ANO9: variants seen among roughly 807,000 people sequenced by gnomAD.
ANO9 encodes anoctamin 9, also known as anoctamin-9.
In ANO9, 80 loss-of-function variants were observed where a neutral mutation model predicts 100.5. The ratio of observed to expected loss-of-function variants is 0.80; its 90% confidence interval spans 0.66 to 0.96. The LOEUF (loss-of-function observed/expected upper bound fraction) is 0.96. Among genes scored for constraint, ANO9 ranks in the 40% least tolerant of loss-of-function variants. The pLI is 0.00. For missense variants in ANO9, 1,064 were observed against 1,072.7 expected (o/e 0.99, Z 0.11); for synonymous variants, 473 against 435.6 (o/e 1.09, Z -1.07).
At chr11:420,343 G>T in intron 19 of ANO9, 120 bp downstream of exon 19, 2 of 1,492,082 alleles carry the variant, frequency 1.3e-6, no homozygotes, top group Non-Finnish European at 1.8e-6. Flanking sequence ...AGGGCTGGGG[G>T]CTGTCTGCGG....
At chr11:431,437 G>T (rs976640290) in intron 7 of ANO9, among the ~76,000 whole-genome samples, 4 of 53,318 alleles carry the variant, frequency 7.5e-5, no homozygotes, top group Non-Finnish European at 6.8e-5. Flanking sequence ...ATCTGGGGGC[G>T]TCTGCGGGGG....
intron 15 of ANO9, among the ~76,000 whole-genome samples, chr11:426,741 C>T (rs1294483709): frequency 1.3e-5 from 2 of 152,074 alleles, no homozygotes; most frequent in Non-Finnish European, 2.9e-5. Context: ...CAGGAAGCCT[C>T]GGGACTTGGG....
At chr11:427,043 G>A (rs963966062) in intron 15 of ANO9, among the ~76,000 whole-genome samples, 2 of 152,182 alleles carry the variant, frequency 1.3e-5, no homozygotes, top group African/African-American at 4.8e-5. Context: ...CAGGAGAGAC[G>A]TGGCCCACAG....
chr11:419,820 G>A (rs971486211), intron 19 of ANO9, 91 bp from the exon 20 acceptor site: 23 of 1,552,726 alleles, frequency 1.5e-5, no homozygotes, highest in East Asian at 4.5e-5. Flanking sequence ...GGGGCCTGCC[G>A]TGTCTCTGTG....
chr11:438,335 A>G (rs528581557), intron 1 of ANO9, among the ~76,000 whole-genome samples: 6 of 146,328 alleles, frequency 4.1e-5, no homozygotes, highest in Admixed American at 4.1e-4. Flanking sequence ...GCCGACACAC[A>G]CAGCCAGACA....
Position 433,818 on chromosome 11 carries a change from A to C in ANO9, c.201T>G (p.Ile67Met). The change falls in exon 3 of 23, where the codon ATT becomes ATG. Residue 67 changes from isoleucine (I) to methionine (M), a missense_variant. By Grantham distance (10) the Ile-to-Met change is conservative (BLOSUM62 1). Coordinates refer to ENST00000332826, the MANE Select transcript of ANO9 (RefSeq NM_001012302.3). ...LEELRRKGFHIKVIRDQKQVF... is the reference protein window; with the variant it reads ...LEELRRKGFHMKVIRDQKQVF... ...CCCTCGCTGGGCACCCGCCCACCTT[A>C]ATGTGGAAGCCCTTTCTCCTGAGCT... 6.4e-7 allele frequency: 1 copy of C among 1,559,878 alleles called. No individual in the cohort carries two copies. Among genetic ancestry groups the C allele is most frequent in the Non-Finnish European group, 8.7e-7 (1 of 1,152,482 alleles).
At position 441,962 on chromosome 11, in the gene ANO9, G is replaced by T. The variant is rs776980611; in HGVS notation, c.-36C>A. On this transcript the variant is annotated 5_prime_UTR_variant, in exon 1 of 23. Transcript: ENST00000332826. ...GCCGGAGTTCCAGCTGGGGTTTGGCGGCCAGGAGAGTGGCTGCCAGCGGCG... is the reference window on the plus strand; with the variant it reads ...GCCGGAGTTCCAGCTGGGGTTTGGCTGCCAGGAGAGTGGCTGCCAGCGGCG... The T allele has an allele frequency of 6.2e-7, 1 of 1,602,242 alleles. No individual in the cohort carries two copies. The highest frequency in any genetic ancestry group is 2.2e-5 in the East Asian group (1 of 44,722).
At chr11:434,522 G>A (rs1177962529) in intron 1 of ANO9, among the ~76,000 whole-genome samples, 2 of 152,326 alleles carry the variant, frequency 1.3e-5, no homozygotes, top group Admixed American at 6.5e-5. Flanking sequence ...ATCAGAGCAC[G>A]GGTTTGGAAA....
At position 421,722 on chromosome 11, in the gene ANO9, C is replaced by T. The variant is rs373672150; in HGVS notation, c.1335-524G>A. 6.6e-6 allele frequency among the ~76,000 whole-genome samples: 1 copy of T among 152,216 alleles called. No individual in the cohort carries two copies. Among genetic ancestry groups the T allele is most frequent in the Non-Finnish European group, 1.5e-5 (1 of 68,044 alleles). On this transcript the variant is annotated intron_variant, in intron 15 of 22. Coordinates refer to ENST00000332826, the MANE Select transcript of ANO9 (RefSeq NM_001012302.3). This position sits in a 1 kb window ranked among gnomAD's most constrained non-coding sequence, Gnocchi z 6.8. ...AGACAGTGTCTGTTACGAGTGGCCT[C>T]GGTTTCTCCCCGTGGAAACGGCACG...
intron 15 of ANO9, among the ~76,000 whole-genome samples, chr11:425,891 G>A (rs1848493472): frequency 7.2e-6 from 1 of 139,040 alleles, no homozygotes; most frequent in Non-Finnish European, 1.5e-5. Flanking sequence ...ACCACGCCCG[G>A]CTAATTTTTT....
At chr11:435,406 ATAGTC>A (rs1049522939) in intron 1 of ANO9, among the ~76,000 whole-genome samples, 6 of 150,144 alleles carry the variant, frequency 4.0e-5, no homozygotes, top group Non-Finnish European at 8.9e-5. Flanking sequence ...ATAGTCTAGT[ATAGTC>A]TAGTCTAGTA....
chr11:420,402 G>C (rs958888767), intron 19 of ANO9, 61 bp downstream of exon 19: 3 of 1,576,712 alleles, frequency 1.9e-6, no homozygotes, highest in Non-Finnish European at 2.6e-6. Context: ...CCTGGCCAGC[G>C]GGAAGCCCAC....
In ANO9 at chr11:420,850, G is replaced by T; in HGVS notation, c.1501C>A (p.His501Asn). The T allele has an allele frequency of 6.3e-7, 1 of 1,591,468 alleles. No homozygotes were observed. The change falls in exon 18 of 23, where the codon CAC becomes AAC. Residue 501 changes from histidine (H) to asparagine (N), a missense_variant. Physicochemically the swap from His to Asn is moderately conservative, Grantham distance 68 (BLOSUM62 1). Transcript: ENST00000332826. Reference sequence around the variant, plus strand: ...GAGGCCCGCAGAGAGCGGCACTTGTGGGTCACCCACCTGCGGGGAGAGCTG... The same window carrying T: ...GAGGCCCGCAGAGAGCGGCACTTGTTGGTCACCCACCTGCGGGGAGAGCTG... ...CVEYLVPWVT[H>N]KCRSLRASES...
Position 432,169 on chromosome 11 carries a change from C to G in ANO9, c.351-115G>C, listed in dbSNP as rs1849066181. On this transcript the variant is annotated intron_variant, in intron 4 of 22. Coordinates refer to ENST00000332826, the MANE Select transcript of ANO9 (RefSeq NM_001012302.3). The surrounding 1 kb of genome is among the most constrained non-coding windows in gnomAD (Gnocchi z 4.8). Reference sequence around the variant, plus strand: ...CCCCTCCCTGTCCTGGCAGAGCCCCCAGCCTGCCAGCCCTGACCAGAGCCC... The same window carrying G: ...CCCCTCCCTGTCCTGGCAGAGCCCCGAGCCTGCCAGCCCTGACCAGAGCCC... The G allele has an allele frequency of 6.1e-6, 7 of 1,140,588 alleles. No individual in the cohort carries two copies. In the South Asian group the frequency reaches 9.6e-5, roughly 16 times the overall value. 70.7% of individuals were successfully genotyped at this position (1,140,588 alleles called of 1,614,324 possible). A position where few individuals can be genotyped will look rare whatever the true frequency, so the allele number is the denominator to read the frequency against.
At chr11:437,715 G>T (rs1845471869) in intron 1 of ANO9, among the ~76,000 whole-genome samples, 2 of 152,358 alleles carry the variant, frequency 1.3e-5, no homozygotes, top group South Asian at 4.1e-4. Context: ...GTGGTCTGGG[G>T]GACGTGGGCA....
At position 429,638 on chromosome 11, in the gene ANO9, C is replaced by T; in HGVS notation, c.847G>A (p.Glu283Lys). The T allele has an allele frequency of 1.2e-6, 2 of 1,612,636 alleles. No individual in the cohort carries two copies. The highest frequency in any genetic ancestry group is 1.7e-6 in the Non-Finnish European group (2 of 1,179,886). The change falls in exon 11 of 23, where the codon GAG becomes AAG. Residue 283 changes from glutamate (E) to lysine (K), a missense_variant. Transcript: ENST00000332826. ...FMALWATVFL[E>K]IWKRQRARVV... is the part of the protein sequence containing the mutation. ...CGGGCGCGCTGCCGCTTCCAGATCT[C>T]CAGGAACACCGTGGCTGCGGCGGGG...
chr11:437,237 C>A (rs1456860225), intron 1 of ANO9, among the ~76,000 whole-genome samples: 1 of 152,098 alleles, frequency 6.6e-6, no homozygotes. Context: ...CCAAAACCAT[C>A]CCACCACACC....
At chr11:433,965 G>T (rs7396778) in intron 2 of ANO9, 28 bp from the exon 3 acceptor site, 1 of 1,553,334 alleles carries the variant, frequency 6.4e-7, no homozygotes, top group Middle Eastern at 1.7e-4. Flanking sequence ...GGGGCCAGGC[G>T]CAGGTGAAGG....
In ANO9 at chr11:418,205, G is replaced by A. The variant is rs908643338; in HGVS notation, c.*166C>T. ...GAGCCCCCACAAAGACGGAGCAGGC[G>A]GAATAGGGTGGCAGCTCACAGCCCT... On this transcript the variant is annotated 3_prime_UTR_variant, in exon 23 of 23. Coordinates refer to ENST00000332826, the MANE Select transcript of ANO9 (RefSeq NM_001012302.3). 3.2e-5 allele frequency: 22 copies of A among 697,082 alleles called. 1 individual carries two copies. Among genetic ancestry groups the A allele is most frequent in the South Asian group, 1.2e-4 (6 of 51,134 alleles). 43.2% of individuals were successfully genotyped at this position (697,082 alleles called of 1,614,324 possible).
Sources: allele counts gnomAD v4.1 joint callset (sites outside exome capture counted in the v4.1 genomes callset), GRCh38; gene constraint gnomAD v4.1.1; non-coding constraint Gnocchi (gnomAD v3.1); transcripts MANE v1.5; gene names NCBI Gene and HGNC (gene_info 2026-07-23, HGNC 2026-07-21).